PLEKHA6: variants seen among roughly 807,000 people sequenced by gnomAD.
The protein encoded by PLEKHA6 is pleckstrin homology domain containing A6.
In PLEKHA6, 60 loss-of-function variants were observed where a neutral mutation model predicts 116.7. That is an observed-to-expected ratio of 0.51 (90% CI 0.42 to 0.64). The LOEUF (loss-of-function observed/expected upper bound fraction) is 0.64, where lower values mean the gene tolerates loss of function less well. Ranked by LOEUF, PLEKHA6 falls within the 30% of genes least tolerant of loss-of-function variation. The probability of loss-of-function intolerance (pLI) is 0.00; values close to 1 mark genes in which losing one functional copy is unlikely to be tolerated. For synonymous variants in PLEKHA6, 489 were observed against 556.1 expected (o/e 0.88, Z 1.70); for missense variants, 1,338 against 1,422.7 (o/e 0.94, Z 0.96).
At chr1:204,255,101 G>C (rs1157201884) in intron 9 of PLEKHA6, among the ~76,000 whole-genome samples, 1 of 152,150 alleles carries the variant, frequency 6.6e-6, no homozygotes, top group Non-Finnish European at 1.5e-5. Context: ...TTATGCAAAA[G>C]GGCTTTTGGA....
intron 1 of PLEKHA6, among the ~76,000 whole-genome samples, chr1:204,356,449 C>A (rs1020158433): frequency 7.9e-5 from 12 of 152,040 alleles, no homozygotes; most frequent in Non-Finnish European, 2.9e-5. Context: ...CACCTGTAGA[C>A]CCAGCCACTT....
At chr1:204,298,609 G>A (rs1032986182) in intron 1 of PLEKHA6, among the ~76,000 whole-genome samples, 4 of 152,196 alleles carry the variant, frequency 2.6e-5, no homozygotes, top group Admixed American at 2.0e-4. Context: ...GAGTTGGGGT[G>A]TGTAAACTCT....
intron 3 of PLEKHA6, among the ~76,000 whole-genome samples, chr1:204,367,634 G>A (rs533895304): frequency 1.1e-4 from 17 of 152,164 alleles, no homozygotes; most frequent in African/African-American, 3.9e-4. Context: ...TGATACATAC[G>A]TTCCCATCTC....
intron 1 of PLEKHA6, among the ~76,000 whole-genome samples, chr1:204,314,815 G>A (rs970369279): frequency 2.7e-5 from 4 of 150,398 alleles, no homozygotes; most frequent in African/African-American, 7.3e-5. Flanking sequence ...CTTTTCACAG[G>A]GACAGCATGT....
chr1:204,307,899 GGGCAACA>G, intron 1 of PLEKHA6: 1 of 985,270 alleles, frequency 1.0e-6, no homozygotes, highest in Non-Finnish European at 1.2e-6. Flanking sequence ...GAGGCAATAA[GGGCAACA>G]GGCAAGTCTG....
intron 7 of PLEKHA6, among the ~76,000 whole-genome samples, chr1:204,260,751 C>T (rs1374678128): frequency 1.3e-5 from 2 of 152,160 alleles, no homozygotes; most frequent in Non-Finnish European, 2.9e-5. Context: ...ACGCTGAGAC[C>T]GTGGGTGACG....
At chr1:204,346,820 C>T (rs1488437948) in intron 1 of PLEKHA6, 3 of 1,295,496 alleles carry the variant, frequency 2.3e-6, no homozygotes, top group African/African-American at 1.4e-5. Context: ...AGCTCAGGCT[C>T]CTTCCCATTG....
intron 17 of PLEKHA6, among the ~76,000 whole-genome samples, chr1:204,235,442 T>C (rs1339055673): frequency 6.6e-6 from 1 of 152,146 alleles, no homozygotes; most frequent in African/African-American, 2.4e-5. Context: ...AGGGATTCTA[T>C]CTCCCAGCTT....
In PLEKHA6 at chr1:204,266,609, G is replaced by A. The variant is rs191900456; in HGVS notation, c.280+866C>T. On this transcript the variant is annotated intron_variant, in intron 5 of 22. Coordinates refer to ENST00000272203, the MANE Select transcript of PLEKHA6 (RefSeq NM_014935.5). ...CCTGATTTCCCTCCTTGGGGTTCAGGTGGCTGCAATACAGCAACCAGCAAC... is the reference window on the plus strand; with the variant it reads ...CCTGATTTCCCTCCTTGGGGTTCAGATGGCTGCAATACAGCAACCAGCAAC... 5.5e-3 allele frequency among the ~76,000 whole-genome samples: 831 copies of A among 152,224 alleles called. 12 individuals carry two copies. The highest frequency in any genetic ancestry group is 0.02 in the Middle Eastern group (6 of 294).
rs1185087347 is a variant in PLEKHA6 at position 204,229,011 on chromosome 1, G to T, written c.2677C>A (p.Pro893Thr). 5 of 1,614,176 alleles carry T rather than the reference G, an allele frequency of 3.1e-6. No homozygotes were observed. The highest frequency in any genetic ancestry group is 1.1e-5 in the South Asian group (1 of 91,084). ...EEPGGHAYET[P>T]REEIARLRKM... ...CGAAGCCGGGCAATTTCCTCCCGGG[G>T]TGTCTCGTAGGCATGCCCGCCAGGC... The change falls in exon 19 of 23, where the codon CCC becomes ACC. Residue 893 changes from proline to threonine, a missense_variant. By Grantham distance (38) the Pro-to-Thr change is conservative. Coordinates refer to ENST00000272203, the MANE Select transcript of PLEKHA6 (RefSeq NM_014935.5).
At position 204,233,900 on chromosome 1, in the gene PLEKHA6, T is replaced by C. The variant is rs182080772; in HGVS notation, c.2410-3314A>G. ...TTTCAATGACATTTTAGACTTAGGA[T>C]ACAGTCATGGGCTGAGACTTTTGGG... On this transcript the variant is annotated intron_variant, in intron 17 of 22. Coordinates refer to ENST00000272203, the MANE Select transcript of PLEKHA6 (RefSeq NM_014935.5). Among the ~76,000 whole-genome samples, 7 of 152,296 alleles carry C rather than the reference T, an allele frequency of 4.6e-5. No homozygotes were observed. In the East Asian group the frequency reaches 1.2e-3, roughly 25 times the overall value.
Position 204,250,627 on chromosome 1 carries a change from G to A in PLEKHA6, c.1525-13C>T, listed in dbSNP as rs769403039. 4 of 1,603,070 alleles carry A rather than the reference G, an allele frequency of 2.5e-6. No homozygotes were observed. The African/African-American group carries it at 4.0e-5, about 16-fold the overall frequency. On this transcript the variant is annotated splice_polypyrimidine_tract_variant and intron_variant, in intron 9 of 22. Transcript: ENST00000272203. ...GGTATGGAGGGACCTGCAGGAACAT[G>A]AGGCCGGTTACTGCAGCAGGGGCAG...
rs1470749280 is a variant in PLEKHA6 at position 204,219,890 on chromosome 1, C to T, written c.*2898G>A. On this transcript the variant is annotated 3_prime_UTR_variant, in exon 23 of 23. Coordinates refer to ENST00000272203, the MANE Select transcript of PLEKHA6 (RefSeq NM_014935.5). ...ACCTTGTCTGTAGGACCCTCCTTGG[C>T]CCAGAGGCTGATTTCACAGTCTGGA... is the stretch of plus-strand genomic sequence containing the variant. 1 of 152,216 alleles carries T rather than the reference C, an allele frequency of 6.6e-6. No homozygotes were observed. The highest frequency in any genetic ancestry group is 1.5e-5 in the Non-Finnish European group (1 of 68,062). 9.4% of individuals were successfully genotyped at this position (152,216 alleles called of 1,614,324 possible).
chr1:204,362,185 C>T (rs1047134639), upstream of PLEKHA6, among the ~76,000 whole-genome samples: 4 of 152,180 alleles, frequency 2.6e-5, no homozygotes, highest in Admixed American at 6.5e-5. Context: ...ACAGCAAGGA[C>T]AGGTGAGGCG....
intron 1 of PLEKHA6, among the ~76,000 whole-genome samples, chr1:204,298,505 A>T (rs1297571738): frequency 6.6e-6 from 1 of 152,204 alleles, no homozygotes; most frequent in Non-Finnish European, 1.5e-5. Flanking sequence ...GCAATGACAC[A>T]CAGCCATGCC....
At chr1:204,308,681 C>CTT (rs71568024) in intron 1 of PLEKHA6, among the ~76,000 whole-genome samples, 1 of 48,464 alleles carries the variant, frequency 2.1e-5, no homozygotes, top group Non-Finnish European at 4.9e-5. Flanking sequence ...AATTCTTTTT[C>CTT]TTTTTCTTTT....
chr1:204,362,098 A>G (rs927447694), upstream of PLEKHA6, among the ~76,000 whole-genome samples: 1 of 152,086 alleles, frequency 6.6e-6, no homozygotes, highest in East Asian at 1.9e-4. Context: ...AGCCAAAGGG[A>G]GGGTCGGTGT....
chr1:204,230,041 T>C (rs1277890381), intron 18 of PLEKHA6, among the ~76,000 whole-genome samples: 1 of 152,242 alleles, frequency 6.6e-6, no homozygotes, highest in Non-Finnish European at 1.5e-5. Flanking sequence ...CTATTATGAT[T>C]ATCTTCATCG....
intron 9 of PLEKHA6, among the ~76,000 whole-genome samples, chr1:204,253,674 T>G (rs941014619): frequency 6.6e-6 from 1 of 151,510 alleles, no homozygotes; most frequent in African/African-American, 2.4e-5. Context: ...AAAAAAAATT[T>G]TTTAATTAGC....
Sources: allele counts gnomAD v4.1 joint callset (sites outside exome capture counted in the v4.1 genomes callset), GRCh38; gene constraint gnomAD v4.1.1; transcripts MANE v1.5; gene names NCBI Gene and HGNC (gene_info 2026-07-23, HGNC 2026-07-21).